Variants in TP53BP1 observed in about 807,000 individuals in gnomAD.
TP53BP1 encodes TP53-binding protein 1.
Under a neutral mutation model 200.8 loss-of-function variants are expected in TP53BP1, and 61 were observed. The ratio of observed to expected loss-of-function variants is 0.30; its 90% CI spans 0.25 to 0.38. The LOEUF (loss-of-function observed/expected upper bound fraction) is 0.38. Ranked by LOEUF, TP53BP1 falls within the 10% of genes least tolerant of loss-of-function variation. The probability of loss-of-function intolerance (pLI) is 1.00; values close to 1 mark genes in which losing one functional copy is unlikely to be tolerated. For synonymous variants in TP53BP1, 822 were observed against 844.3 expected, an observed-to-expected ratio of 0.97 and a Z score of 0.46; for missense variants, 2,144 against 2,371.9, an observed-to-expected ratio of 0.90 and a Z score of 2.00.
intron 19 of TP53BP1, chr15:43,421,617 CCT>C (rs551653846): frequency 4.0e-4 from 238 of 597,162 alleles, no homozygotes; most frequent in Non-Finnish European, 5.5e-4. Context: ...AGTCCCCTCC[CCT>C]GTTACCTACA....
chr15:43,407,367 G>GTT lies in TP53BP1; in HGVS notation c.*15_*16insAA, dbSNP rs1245183769. On this transcript the variant is annotated 3_prime_UTR_variant, in exon 28 of 28. Transcript: ENST00000382044. The stretch of plus-strand genomic sequence containing the variant: ...TCCACGATAGCAGGGAATAAAACCA[G>GTT]TAAGACCAAGTATCTTTAGTGAGAA... 1.2e-6 allele frequency: 2 copies of GTT among 1,612,006 alleles called. No individual in the cohort carries two copies. Among genetic ancestry groups the GTT allele is most frequent in the Admixed American group, 3.3e-5 (2 of 59,968 alleles).
chr15:43,432,459 C>A lies in TP53BP1; in HGVS notation c.3410G>T (p.Arg1137Leu). Reference protein sequence around the residue: ...TDVLEDQKEGRSTNKENPSKA... With the variant: ...TDVLEDQKEGLSTNKENPSKA... ...ACTAGGATTTTCCTTATTAGTACTC[C>A]GTCCTTCTTTCTGGTCTTCTAGCAC... The change falls in exon 17 of 28, where the codon CGG becomes CTG. Residue 1137 changes from arginine to leucine, a missense_variant. This residue lies in a region of TP53BP1 where 1,700 missense variants were observed against 1,710.3 expected (regional missense o/e 0.99). Transcript: ENST00000382044. The A allele has an allele frequency of 6.2e-7, 1 of 1,614,142 alleles. No homozygotes were observed. Among genetic ancestry groups the A allele is most frequent in the Non-Finnish European group, 8.5e-7 (1 of 1,180,004 alleles).
Position 43,470,063 on chromosome 15 carries a change from T to C in TP53BP1, c.1184A>G (p.Lys395Arg), listed in dbSNP as rs753631214. 19 of 1,612,134 alleles carry C rather than the reference T, an allele frequency of 1.2e-5. No homozygotes were observed. In the East Asian group the frequency reaches 4.2e-4, roughly 36 times the overall value. ...AGATAACACTGACGTGTCCATTGGC[T>C]TATCTGGTTTAAAACAGGAGAAACA... ...SPTEQEGRQDKPMDTSVLSEE... is the reference protein window; with the variant it reads ...SPTEQEGRQDRPMDTSVLSEE... Residue 395 changes from lysine (K) to arginine (R), a missense_variant, in exon 11 of 28, where the codon AAG becomes AGG. By Grantham distance (26) the Lys-to-Arg change is conservative (BLOSUM62 2). Around this residue, in one of 4 missense-constraint regions of TP53BP1, gnomAD observed 1,700 missense variants for 1,710.3 expected, o/e 0.99. Transcript: ENST00000382044.
At chr15:43,477,789 G>C (rs1434581897) in intron 7 of TP53BP1, 30 bp from the exon 8 acceptor site, 1 of 1,469,084 alleles carries the variant, frequency 6.8e-7, no homozygotes. Context: ...AGGAGAAAAA[G>C]TTCCTAAGTT....
chr15:43,501,454 T>A (rs145102845), intron 1 of TP53BP1, among the ~76,000 whole-genome samples: 15 of 152,266 alleles, frequency 9.9e-5, no homozygotes, highest in African/African-American at 3.4e-4. Context: ...GCTCAAGCAA[T>A]TCTCCCACCT....
rs907539280 is a variant in TP53BP1 at position 43,456,679 on chromosome 15, A to C, written c.1929T>G (p.Leu643=). 52 of 1,614,038 alleles carry C rather than the reference A, an allele frequency of 3.2e-5. No individual in the cohort carries two copies. The highest frequency in any genetic ancestry group is 4.3e-5 in the Non-Finnish European group (51 of 1,180,048). Reference sequence around the variant, plus strand: ...CTTCCTCCTGATCTAACACACTAGAAAGTGCCTCAGATCGAGTAGCTGGTG... The same window carrying C: ...CTTCCTCCTGATCTAACACACTAGACAGTGCCTCAGATCGAGTAGCTGGTG... ...VPSPATRSEA[L]SSVLDQEEAM... is the part of the protein sequence containing the mutation. Residue 643 remains leucine (L), a synonymous_variant, in exon 12 of 28, where the codon CTT becomes CTG. Coordinates refer to ENST00000382044, the MANE Select transcript of TP53BP1 (RefSeq NM_001141980.3).
intron 13 of TP53BP1, chr15:43,447,157 A>C: frequency 1.8e-6 from 1 of 563,844 alleles, no homozygotes. Context: ...TTTCTTTCTT[A>C]CTTCCCTCCA....
intron 14 of TP53BP1, among the ~76,000 whole-genome samples, chr15:43,445,249 T>C (rs993051786): frequency 6.6e-6 from 1 of 152,158 alleles, no homozygotes; most frequent in South Asian, 2.1e-4. Context: ...GAAATGGCTC[T>C]TGCTAGAGTC....
At chr15:43,438,252 A>T (rs1045104557) in intron 16 of TP53BP1, 72 bp downstream of exon 16, 14 of 1,327,380 alleles carry the variant, frequency 1.1e-5, no homozygotes, top group Non-Finnish European at 1.4e-5. Flanking sequence ...AGCACAGTAC[A>T]TATTAGGATT....
intron 13 of TP53BP1, chr15:43,446,959 C>T (rs2046055786): frequency 5.4e-6 from 3 of 556,752 alleles, no homozygotes; most frequent in Admixed American, 4.6e-5. Flanking sequence ...CTGGCTGCTT[C>T]AGGGAAGGAG....
rs545646904 is a variant in TP53BP1, at chr15:43,455,415, T to C, written c.2716+477A>G. ...ATATCTTTAATTGCACAAATAATTA[T>C]AGCTATTAAAAAAATACAATCCAGG... On this transcript the variant is annotated intron_variant, in intron 12 of 27. Coordinates refer to ENST00000382044, the MANE Select transcript of TP53BP1 (RefSeq NM_001141980.3). 1.3e-4 allele frequency among the ~76,000 whole-genome samples: 20 copies of C among 152,200 alleles called. No individual in the cohort carries two copies. The South Asian group carries it at 3.9e-3, about 30-fold the overall frequency.
In TP53BP1 at chr15:43,453,188, C is replaced by T. The variant is rs563381411; in HGVS notation, c.2716+2704G>A. Among the ~76,000 whole-genome samples, 196 of 91,492 alleles carry T rather than the reference C, an allele frequency of 2.1e-3. 1 individual carries two copies. The highest frequency in any genetic ancestry group is 0.012 in the African/African-American group (180 of 15,096). 60.0% of individuals were successfully genotyped at this position (91,492 alleles called of 152,430 possible). A position where few individuals can be genotyped will look rare whatever the true frequency, so the allele number is the denominator to read the frequency against. ...CAGCTTGGGCGAAAAAGTGAGACTC[C>T]GTCTCAAAAAAAAAAAAAAAAAAAA... On this transcript the variant is annotated intron_variant, in intron 12 of 27. Coordinates refer to ENST00000382044, the MANE Select transcript of TP53BP1 (RefSeq NM_001141980.3).
intron 15 of TP53BP1, among the ~76,000 whole-genome samples, chr15:43,439,242 A>G (rs915896593): frequency 6.6e-6 from 1 of 152,218 alleles, no homozygotes; most frequent in Admixed American, 6.5e-5. Context: ...AACAACACTT[A>G]AAAGTTTCAT....
chr15:43,412,416 A>G (rs1381892402), intron 24 of TP53BP1, among the ~76,000 whole-genome samples: 1 of 152,242 alleles, frequency 6.6e-6, no homozygotes, highest in Non-Finnish European at 1.5e-5. Flanking sequence ...TACTGCTGTC[A>G]GTCACATTTA....
At chr15:43,500,925 T>C (rs769814607) in intron 1 of TP53BP1, among the ~76,000 whole-genome samples, 6 of 151,944 alleles carry the variant, frequency 3.9e-5, no homozygotes, top group Non-Finnish European at 7.4e-5. Flanking sequence ...TCCCAGAACT[T>C]TGGGAGGCCA....
chr15:43,472,194 C>A (rs1251763852), intron 10 of TP53BP1, among the ~76,000 whole-genome samples: 2 of 152,192 alleles, frequency 1.3e-5, no homozygotes. Flanking sequence ...GCCTCCATTT[C>A]CTCATCTGTA....
upstream of TP53BP1, among the ~76,000 whole-genome samples, chr15:43,495,710 G>A (rs1399300441): frequency 6.7e-6 from 1 of 148,920 alleles, no homozygotes; most frequent in African/African-American, 2.5e-5. Context: ...CCAGCTACTT[G>A]GGAGGCTGAG....
chr15:43,469,764 A>C, intron 11 of TP53BP1, 94 bp downstream of exon 11: 1 of 1,040,670 alleles, frequency 9.6e-7, no homozygotes, highest in East Asian at 2.4e-5. Context: ...TTATACATTT[A>C]AAACGTGTGA....
At chr15:43,412,775 G>A (rs897111376) in intron 24 of TP53BP1, 5 of 475,646 alleles carry the variant, frequency 1.1e-5, no homozygotes, top group East Asian at 6.8e-5. Context: ...AGGCTAAAAT[G>A]ACAGAGCTCT....
Sources: allele counts gnomAD v4.1 joint callset (sites outside exome capture counted in the v4.1 genomes callset), GRCh38; gene constraint gnomAD v4.1.1; regional missense constraint gnomAD v4.1.1; transcripts MANE v1.5; gene names NCBI Gene and HGNC (gene_info 2026-07-23, HGNC 2026-07-21).